The following UGGT2 variants were observed in gnomAD, a reference collection of about 807,000 sequenced individuals.
The protein encoded by UGGT2 is UDP-glucose:glycoprotein glucosyltransferase 2.
Under a neutral mutation model 192.1 loss-of-function variants are expected in UGGT2, and 180 were observed. That is an observed-to-expected ratio of 0.94 (90% CI 0.83 to 1.06). The LOEUF (loss-of-function observed/expected upper bound fraction) is 1.06. Ranked by LOEUF, UGGT2 falls within the 50% of genes least tolerant of loss-of-function variation. The pLI, the probability that UGGT2 is intolerant of heterozygous loss-of-function variation, is 0.00. For synonymous variants in UGGT2, 580 were observed against 591.0 expected (o/e 0.98, Z 0.27); for missense variants, 1,849 against 1,795.7 (o/e 1.03, Z -0.54).
intron 10 of UGGT2, 159 bp downstream of exon 10, chr13:95,983,645 T>G: frequency 1.5e-6 from 1 of 678,392 alleles, no homozygotes; most frequent in South Asian, 1.5e-5. Flanking sequence ...GATTAAATGC[T>G]CATATAGTCC....
chr13:95,886,393 A>G (rs1455669073), intron 26 of UGGT2, among the ~76,000 whole-genome samples: 1 of 152,112 alleles, frequency 6.6e-6, no homozygotes, highest in Non-Finnish European at 1.5e-5. Flanking sequence ...TCATTTAGAA[A>G]AGTCAATTCT....
chr13:95,843,489 T>C (rs1029864295), intron 36 of UGGT2, among the ~76,000 whole-genome samples: 1 of 152,188 alleles, frequency 6.6e-6, no homozygotes, highest in Non-Finnish European at 1.5e-5. Flanking sequence ...GCTCTTTGTA[T>C]ATTTATCAAT....
At chr13:95,805,383 G>T (rs1201074093) in intron 38 of UGGT2, among the ~76,000 whole-genome samples, 2 of 151,978 alleles carry the variant, frequency 1.3e-5, no homozygotes, top group African/African-American at 2.4e-5. Flanking sequence ...AAAAATAGAG[G>T]TTCCTTAAAT....
At chr13:95,837,058 A>C in intron 37 of UGGT2, 28 bp downstream of exon 37, 1 of 1,468,438 alleles carries the variant, frequency 6.8e-7, no homozygotes, top group African/African-American at 1.4e-5. Context: ...GTATCTGCTT[A>C]CATACAAATG....
chr13:95,951,397 A>T (rs1037607677), intron 12 of UGGT2, among the ~76,000 whole-genome samples: 2 of 152,240 alleles, frequency 1.3e-5, no homozygotes, highest in African/African-American at 4.8e-5. Context: ...AGAGAAAGGA[A>T]GATATAGGTG....
chr13:95,950,684 A>C (rs1751251247), intron 12 of UGGT2, among the ~76,000 whole-genome samples: 1 of 151,732 alleles, frequency 6.6e-6, no homozygotes, highest in Admixed American at 6.6e-5. Flanking sequence ...AAAGTACAAA[A>C]ATTTCTAAAA....
At chr13:95,857,975 T>A (rs1889772307) in intron 33 of UGGT2, among the ~76,000 whole-genome samples, 1 of 150,510 alleles carries the variant, frequency 6.6e-6, no homozygotes, top group African/African-American at 2.4e-5. Flanking sequence ...TAACTTCTTA[T>A]CTATATTTAT....
rs564198881 is a variant in UGGT2 at position 95,907,237 on chromosome 13, C to T, written c.2296-4177G>A. On this transcript the variant is annotated intron_variant, in intron 20 of 38. Transcript: ENST00000376747. ...GTCCACCATTGCTGAGGCTTGAGTA[C>T]GTAAACAAAGCGGCTGGGAAGCTCG... Among the ~76,000 whole-genome samples, 13 of 152,330 alleles carry T rather than the reference C, an allele frequency of 8.5e-5. No homozygotes were observed. In the East Asian group the frequency reaches 1.2e-3, roughly 14 times the overall value.
At chr13:95,920,577 A>G (rs1265173728) in intron 20 of UGGT2, among the ~76,000 whole-genome samples, 1 of 152,242 alleles carries the variant, frequency 6.6e-6, no homozygotes, top group Non-Finnish European at 1.5e-5. Flanking sequence ...TGGCCAAAAA[A>G]TATGGGGAAA....
chr13:95,838,914 T>C (rs1340794324), intron 36 of UGGT2, among the ~76,000 whole-genome samples: 2 of 152,136 alleles, frequency 1.3e-5, no homozygotes, highest in Non-Finnish European at 2.9e-5. Flanking sequence ...CAGATATCAA[T>C]ATCCTTTGAC....
intron 5 of UGGT2, among the ~76,000 whole-genome samples, chr13:96,011,152 G>C (rs1013846427): frequency 9.2e-5 from 14 of 152,020 alleles, no homozygotes; most frequent in Non-Finnish European, 1.8e-4. Context: ...AAAACGCTTA[G>C]AATAAAATCT....
chr13:95,986,221 T>C (rs903307847), intron 9 of UGGT2, 112 bp downstream of exon 9: 22 of 721,602 alleles, frequency 3.0e-5, no homozygotes, highest in Non-Finnish European at 4.5e-5. Context: ...ACAAAAGCTA[T>C]ATATACTAGA....
chr13:95,976,310 C>T (rs1468871931), intron 10 of UGGT2, among the ~76,000 whole-genome samples: 5 of 152,042 alleles, frequency 3.3e-5, no homozygotes, highest in Non-Finnish European at 5.9e-5. Flanking sequence ...TTCCTTTATC[C>T]ACCCATCCAT....
rs528952033 is a variant in UGGT2 at position 95,989,827 on chromosome 13, T to C, written c.931+146A>G. 80 of 478,874 alleles carry C rather than the reference T, an allele frequency of 1.7e-4. No homozygotes were observed. In the East Asian group the frequency reaches 2.6e-3, roughly 16 times the overall value. The allele number at this position is 478,874 out of a possible 1,614,324, so 29.7% of individuals were successfully genotyped here. On this transcript the variant is annotated intron_variant, in intron 8 of 38. Coordinates refer to ENST00000376747, the MANE Select transcript of UGGT2 (RefSeq NM_020121.4). ...TGAGGGATGATCTGTTAAATAGGTATTGCCACAAAAAATCATAATTTATAT... is the reference window on the plus strand; with the variant it reads ...TGAGGGATGATCTGTTAAATAGGTACTGCCACAAAAAATCATAATTTATAT...
chr13:95,815,883 G>T (rs771287980), intron 38 of UGGT2, among the ~76,000 whole-genome samples: 1 of 152,198 alleles, frequency 6.6e-6, no homozygotes, highest in Non-Finnish European at 1.5e-5. Context: ...CGGGGGCAGA[G>T]TCCTCATGAA....
intron 10 of UGGT2, among the ~76,000 whole-genome samples, chr13:95,982,660 C>A (rs1022355758): frequency 6.6e-6 from 1 of 152,064 alleles, no homozygotes; most frequent in African/African-American, 2.4e-5. Flanking sequence ...AGAGAGAGAG[C>A]TGTTCTCCTT....
At chr13:95,864,828 T>C (rs1284264056) in intron 30 of UGGT2, among the ~76,000 whole-genome samples, 1 of 152,220 alleles carries the variant, frequency 6.6e-6, no homozygotes, top group Non-Finnish European at 1.5e-5. Context: ...GATCTTGATC[T>C]TCATTGTACT....
intron 12 of UGGT2, among the ~76,000 whole-genome samples, chr13:95,956,703 G>A (rs957803727): frequency 6.6e-6 from 1 of 152,192 alleles, no homozygotes; most frequent in African/African-American, 2.4e-5. Context: ...GTGGAGAAAT[G>A]GGAACACTTG....
chr13:95,973,357 CATG>C (rs1208124621), intron 10 of UGGT2, among the ~76,000 whole-genome samples: 4 of 152,018 alleles, frequency 2.6e-5, no homozygotes, highest in South Asian at 2.1e-4. Flanking sequence ...TTTTACAATA[CATG>C]ATATTACAGT....
Sources: gnomAD v4.1 joint callset for allele counts (sites outside exome capture counted in the v4.1 genomes callset) on GRCh38, gnomAD v4.1.1 for gene constraint, MANE v1.5 for transcripts, NCBI Gene and HGNC (gene_info 2026-07-23, HGNC 2026-07-21) for gene names.